The following LSAMP variants were observed in gnomAD, a reference collection of about 807,000 sequenced individuals.
LSAMP encodes the protein limbic system associated membrane protein.
A neutral mutation model predicts 38.6 loss-of-function variants in LSAMP; 7 were observed. The ratio of observed to expected loss-of-function variants is 0.18; its 90% CI spans 0.10 to 0.34. LSAMP has a LOEUF of 0.34. LSAMP is among the 10% of genes least tolerant of loss of function. The probability of loss-of-function intolerance (pLI) is 1.00; values close to 1 mark genes in which losing one functional copy is unlikely to be tolerated. For missense variants in LSAMP, 313 were observed against 420.0 expected, an observed-to-expected ratio of 0.75 and a Z score of 2.23; for synonymous variants, 154 against 166.8, an observed-to-expected ratio of 0.92 and a Z score of 0.59.
chr3:115,912,495 G>A (rs1937157113), intron 3 of LSAMP, among the ~76,000 whole-genome samples: 1 of 152,158 alleles, frequency 6.6e-6, no homozygotes, highest in African/African-American at 2.4e-5. Flanking sequence ...AGAGTGAGAG[G>A]TGGCTCCTTA....
chr3:115,842,357 T>C, intron 5 of LSAMP, 101 bp downstream of exon 5: 1 of 1,429,058 alleles, frequency 7.0e-7, no homozygotes, highest in East Asian at 2.4e-5. Context: ...AATATAGTTC[T>C]ACATAATTAC....
intron 1 of LSAMP, among the ~76,000 whole-genome samples, chr3:116,221,150 C>CAAAAAAA (rs71141862): frequency 0.15 from 7,804 of 53,038 alleles, 2,064 homozygotes; most frequent in Admixed American, 0.19. Context: ...GACTCTGTCT[C>CAAAAAAA]AAAAAAAAAA....
intron 1 of LSAMP, among the ~76,000 whole-genome samples, chr3:116,088,204 G>A (rs953601075): frequency 6.6e-6 from 1 of 152,116 alleles, no homozygotes; most frequent in African/African-American, 2.4e-5. Flanking sequence ...GACTTAATAA[G>A]TTGGGTGCCA....
intron 1 of LSAMP, among the ~76,000 whole-genome samples, chr3:116,302,293 T>C (rs1045041406): frequency 2.6e-5 from 4 of 152,192 alleles, no homozygotes; most frequent in Non-Finnish European, 5.9e-5. Context: ...TAACTAACTT[T>C]TTTCCCCCAT....
chr3:116,342,444 A>G (rs529273324), intron 1 of LSAMP, among the ~76,000 whole-genome samples: 2 of 152,208 alleles, frequency 1.3e-5, no homozygotes, highest in South Asian at 2.1e-4. Context: ...AGATGCTAGT[A>G]TATTAGATAA....
intron 1 of LSAMP, among the ~76,000 whole-genome samples, chr3:116,160,757 T>C (rs1007280464): frequency 6.6e-6 from 1 of 152,204 alleles, no homozygotes; most frequent in Non-Finnish European, 1.5e-5. Flanking sequence ...ACATACTCTA[T>C]GAAGCAGTCT....
chr3:116,329,894 A>G (rs1379589117), intron 1 of LSAMP, among the ~76,000 whole-genome samples: 2 of 152,176 alleles, frequency 1.3e-5, no homozygotes, highest in African/African-American at 4.8e-5. Flanking sequence ...TAAAAAAAAT[A>G]CTGATAACTT....
At chr3:116,268,910 C>T (rs2046932164) in intron 1 of LSAMP, among the ~76,000 whole-genome samples, 1 of 152,084 alleles carries the variant, frequency 6.6e-6, no homozygotes, top group Admixed American at 6.6e-5. Context: ...AGCAGTCCAA[C>T]CAGATTAAAG....
intron 1 of LSAMP, among the ~76,000 whole-genome samples, chr3:116,231,863 T>G (rs999216471): frequency 6.6e-6 from 1 of 152,184 alleles, no homozygotes; most frequent in African/African-American, 2.4e-5. Context: ...GAAAATACTG[T>G]CAGCAGGTAA....
chr3:116,009,791 C>T (rs1940271581), intron 3 of LSAMP, among the ~76,000 whole-genome samples: 2 of 152,056 alleles, frequency 1.3e-5, no homozygotes, highest in South Asian at 4.2e-4. Flanking sequence ...CTAACACACC[C>T]TCACCCCCAC....
At chr3:116,368,773 T>C (rs1326697305) in intron 1 of LSAMP, among the ~76,000 whole-genome samples, 2 of 152,210 alleles carry the variant, frequency 1.3e-5, no homozygotes, top group Non-Finnish European at 2.9e-5. Flanking sequence ...TAATAAGATA[T>C]GTTATAATAG....
chr3:116,057,967 A>ACACACACACACACACACACACC (rs1341257552), intron 2 of LSAMP, among the ~76,000 whole-genome samples: 9 of 147,542 alleles, frequency 6.1e-5, no homozygotes, highest in African/African-American at 7.5e-5. Flanking sequence ...CCACACACAC[A>ACACACACACACACACACACACC]CACACACACA....
At chr3:116,268,500 C>T (rs956826790) in intron 1 of LSAMP, among the ~76,000 whole-genome samples, 2 of 152,006 alleles carry the variant, frequency 1.3e-5, no homozygotes, top group African/African-American at 4.8e-5. Context: ...CTGCTGTTTC[C>T]AGATGTGAAT....
chr3:116,046,816 T>A (rs983073588), intron 2 of LSAMP, among the ~76,000 whole-genome samples: 8 of 152,162 alleles, frequency 5.3e-5, no homozygotes, highest in Non-Finnish European at 7.4e-5. Flanking sequence ...AAAACACACA[T>A]GAAATGAAGA....
At chr3:116,275,573 GT>G (rs897348349) in intron 1 of LSAMP, among the ~76,000 whole-genome samples, 116 of 151,244 alleles carry the variant, frequency 7.7e-4, no homozygotes, top group African/African-American at 2.6e-3. Context: ...TGCATTTTCC[GT>G]TTTTTTTTAA....
chr3:115,992,271 T>C (rs529573480), intron 3 of LSAMP, among the ~76,000 whole-genome samples: 1 of 152,102 alleles, frequency 6.6e-6, no homozygotes, highest in African/African-American at 2.4e-5. Flanking sequence ...TAAGCTCTCA[T>C]TTGCAATGGC....
At chr3:116,111,178 G>C (rs1368031210) in intron 1 of LSAMP, among the ~76,000 whole-genome samples, 1 of 152,152 alleles carries the variant, frequency 6.6e-6, no homozygotes, top group African/African-American at 2.4e-5. Flanking sequence ...GGGCATATAC[G>C]TGCAAGTCAC....
intron 2 of LSAMP, among the ~76,000 whole-genome samples, chr3:116,037,639 T>A (rs893839551): frequency 6.6e-6 from 1 of 152,154 alleles, no homozygotes; most frequent in Non-Finnish European, 1.5e-5. Flanking sequence ...TTTTATGTAA[T>A]CTTCTTCTCA....
intron 4 of LSAMP, among the ~76,000 whole-genome samples, chr3:115,846,558 A>G (rs954972880): frequency 6.6e-6 from 1 of 152,202 alleles, no homozygotes; most frequent in African/African-American, 2.4e-5. Context: ...TAGGAAGTAA[A>G]TATGATTAAC....
Sources: gnomAD v4.1 joint callset for allele counts (sites outside exome capture counted in the v4.1 genomes callset) on GRCh38, gnomAD v4.1.1 for gene constraint, MANE v1.5 for transcripts, NCBI Gene and HGNC (gene_info 2026-07-23, HGNC 2026-07-21) for gene names.